IKBKB-DT: variants seen among roughly 807,000 people sequenced by gnomAD.
IKBKB-DT encodes the protein IKBKB divergent transcript.
At chr8:42,258,882 AT>A (rs2129927248) in intron 3 of IKBKB-DT, among the ~76,000 whole-genome samples, 2 of 152,290 alleles carry the variant, frequency 1.3e-5, no homozygotes, top group South Asian at 4.1e-4. Flanking sequence ...AAATTAAGCA[AT>A]CATTAAGAAA....
chr8:42,238,876 C>T (rs549457352), intron 3 of IKBKB-DT, among the ~76,000 whole-genome samples: 49 of 152,248 alleles, frequency 3.2e-4, no homozygotes, highest in African/African-American at 1.2e-3. Context: ...CTAAATTATC[C>T]ATAAAATCCC....
intron 3 of IKBKB-DT, among the ~76,000 whole-genome samples, chr8:42,243,724 C>T (rs986442677): frequency 1.1e-4 from 17 of 152,086 alleles, no homozygotes; most frequent in African/African-American, 1.9e-4. Flanking sequence ...AGTTTGTAAC[C>T]GGTAGTGAGT....
intron 2 of IKBKB-DT, among the ~76,000 whole-genome samples, chr8:42,264,691 T>C (rs1438937431): frequency 6.6e-6 from 1 of 152,136 alleles, no homozygotes; most frequent in Non-Finnish European, 1.5e-5. Flanking sequence ...CCCAAGTAGC[T>C]GGGATTACAG....
At chr8:42,244,058 G>T (rs975999873) in intron 3 of IKBKB-DT, among the ~76,000 whole-genome samples, 1 of 152,182 alleles carries the variant, frequency 6.6e-6, no homozygotes, top group East Asian at 1.9e-4. Flanking sequence ...ATTATCCTTG[G>T]GATAACTGTT....
At chr8:42,249,670 G>A (rs1156239610) in intron 3 of IKBKB-DT, among the ~76,000 whole-genome samples, 1 of 152,136 alleles carries the variant, frequency 6.6e-6, no homozygotes, top group Non-Finnish European at 1.5e-5. Flanking sequence ...CCTGTGGCCA[G>A]GGACAAGTTG....
chr8:42,237,450 AG>A (rs1330807476), intron 3 of IKBKB-DT, among the ~76,000 whole-genome samples: 1 of 152,132 alleles, frequency 6.6e-6, no homozygotes, highest in Non-Finnish European at 1.5e-5. Context: ...TCTGAAAGGG[AG>A]GGGTATAATG....
intron 3 of IKBKB-DT, among the ~76,000 whole-genome samples, chr8:42,241,152 T>C (rs929225077): frequency 2.0e-5 from 3 of 151,734 alleles, no homozygotes; most frequent in African/African-American, 4.8e-5. Context: ...TTTGTTTCCA[T>C]TGTTTGTCAA....
intron 3 of IKBKB-DT, chr8:42,249,417 A>ATGTGTGTGTGTGTG (rs35004589): frequency 2.3e-5 from 3 of 129,728 alleles, no homozygotes; most frequent in African/African-American, 1.1e-4. Flanking sequence ...ATGTATATAT[A>ATGTGTGTGTGTGTG]TGTGTGTGTG....
chr8:42,260,659 ACT>A (rs1246808460), intron 3 of IKBKB-DT, among the ~76,000 whole-genome samples: 3 of 128,372 alleles, frequency 2.3e-5, no homozygotes, highest in African/African-American at 6.2e-5. Flanking sequence ...ACAGAGCAAG[ACT>A]CTGTCTCAAA....
At chr8:42,235,883 A>G (rs1222298535) in intron 3 of IKBKB-DT, among the ~76,000 whole-genome samples, 1 of 152,094 alleles carries the variant, frequency 6.6e-6, no homozygotes, top group Non-Finnish European at 1.5e-5. Context: ...CACTAAAAAT[A>G]CAAAAATTAG....
At chr8:42,245,232 C>T (rs538613477) in intron 3 of IKBKB-DT, among the ~76,000 whole-genome samples, 14 of 151,992 alleles carry the variant, frequency 9.2e-5, no homozygotes, top group Admixed American at 2.0e-4. Context: ...TCCAACCTGG[C>T]GACAGAGCAA....
At chr8:42,251,838 A>AAAAAAAAAAAAAAAAG (rs1807132194) in intron 3 of IKBKB-DT, among the ~76,000 whole-genome samples, 1 of 151,714 alleles carries the variant, frequency 6.6e-6, no homozygotes, top group African/African-American at 2.4e-5. Context: ...CAAAAAAAAA[A>AAAAAAAAAAAAAAAAG]AAAAAGAAAA....
chr8:42,239,577 G>A (rs1392720123), intron 3 of IKBKB-DT, among the ~76,000 whole-genome samples: 2 of 115,106 alleles, frequency 1.7e-5, no homozygotes, highest in South Asian at 2.9e-4. Flanking sequence ...CTTTTGAATG[G>A]TTTCAAATGA....
rs556584579 is a variant in IKBKB-DT at position 42,234,984 on chromosome 8, T to C, written n.1530-1125A>G. ...CCCCAAAATTAAACTGTTATAAAAC[T>C]AATGAAAGGCCACCAAGTTAAGAGA... On this transcript the variant is annotated intron_variant and non_coding_transcript_variant, in intron 3 of 3. Transcript: ENST00000518213. 3.9e-5 allele frequency among the ~76,000 whole-genome samples: 6 copies of C among 152,230 alleles called. No homozygotes were observed. In the East Asian group the frequency reaches 1.2e-3, roughly 29 times the overall value.
intron 3 of IKBKB-DT, among the ~76,000 whole-genome samples, chr8:42,245,077 G>A (rs1285900749): frequency 1.3e-5 from 2 of 151,246 alleles, no homozygotes; most frequent in Non-Finnish European, 2.9e-5. Context: ...GTGAAACCCC[G>A]TCTCTACTAA....
intron 3 of IKBKB-DT, among the ~76,000 whole-genome samples, chr8:42,248,409 A>G (rs1459178132): frequency 6.6e-6 from 1 of 152,104 alleles, no homozygotes; most frequent in Non-Finnish European, 1.5e-5. Context: ...CATTTTTGCC[A>G]AGCAGCTGTA....
intron 3 of IKBKB-DT, among the ~76,000 whole-genome samples, chr8:42,253,583 A>C (rs1036694070): frequency 2.6e-5 from 4 of 152,228 alleles, no homozygotes; most frequent in Admixed American, 2.6e-4. Context: ...TCCAGTTTGC[A>C]GGTAAATAAC....
chr8:42,261,876 C>T (rs971784400), intron 3 of IKBKB-DT, among the ~76,000 whole-genome samples: 1 of 152,228 alleles, frequency 6.6e-6, no homozygotes, highest in African/African-American at 2.4e-5. Flanking sequence ...TGGTGGTTGG[C>T]TGGCCGTATT....
At chr8:42,241,267 G>A (rs1251458319) in intron 3 of IKBKB-DT, among the ~76,000 whole-genome samples, 1 of 20,742 alleles carries the variant, frequency 4.8e-5, no homozygotes, top group African/African-American at 1.4e-4. Context: ...TTTTTTTTTT[G>A]CCTAGGAAGG....
Sources: gnomAD v4.1 joint callset for allele counts (sites outside exome capture counted in the v4.1 genomes callset) on GRCh38, gnomAD v4.1.1 for gene constraint, MANE v1.5 for transcripts, NCBI Gene and HGNC (gene_info 2026-07-23, HGNC 2026-07-21) for gene names.